USP49: variants seen among roughly 807,000 people sequenced by gnomAD.
USP49 encodes ubiquitin carboxyl-terminal hydrolase 49.
A neutral mutation model predicts 58.6 loss-of-function variants in USP49; 24 were observed. That is an observed-to-expected ratio of 0.41 (90% CI 0.30 to 0.58). The LOEUF (loss-of-function observed/expected upper bound fraction) is 0.58. USP49 is among the 20% of genes least tolerant of loss of function. The pLI is 0.30. For missense variants in USP49, 703 were observed against 866.1 expected, an observed-to-expected ratio of 0.81 and a Z score of 2.36; for synonymous variants, 408 against 365.1, an observed-to-expected ratio of 1.12 and a Z score of -1.34.
At chr6:41,882,295 G>A (rs375847714) in intron 2 of USP49, among the ~76,000 whole-genome samples, 26 of 152,150 alleles carry the variant, frequency 1.7e-4, no homozygotes, top group African/African-American at 5.5e-4. Context: ...AAGAAACTTC[G>A]AGATAAATAC....
intron 2 of USP49, among the ~76,000 whole-genome samples, chr6:41,877,530 A>T (rs1240909840): frequency 1.3e-5 from 2 of 151,742 alleles, no homozygotes; most frequent in Non-Finnish European, 2.9e-5. Flanking sequence ...ATTAATATAT[A>T]CTGCTGGTCT....
At chr6:41,865,422 G>T (rs926491760) in intron 3 of USP49, among the ~76,000 whole-genome samples, 1 of 152,054 alleles carries the variant, frequency 6.6e-6, no homozygotes, top group Non-Finnish European at 1.5e-5. Flanking sequence ...AAAGAACAGC[G>T]GGATAGGCCT....
At chr6:41,853,999 CGAAAAAA>C (rs1483505464) in intron 3 of USP49, among the ~76,000 whole-genome samples, 4 of 58,870 alleles carry the variant, frequency 6.8e-5, no homozygotes, top group African/African-American at 2.6e-4. Context: ...GACTCTGTCT[CGAAAAAA>C]AAAAAAAAAA....
At position 41,794,599 on chromosome 6, in the gene USP49, C is replaced by T. The variant is rs1259930894; in HGVS notation, c.*1934G>A. 2.0e-5 allele frequency: 3 copies of T among 152,016 alleles called. No individual in the cohort carries two copies. Among genetic ancestry groups the T allele is most frequent in the Non-Finnish European group, 2.9e-5 (2 of 68,002 alleles). 9.4% of individuals were successfully genotyped at this position (152,016 alleles called of 1,614,324 possible). A position where few individuals can be genotyped will look rare whatever the true frequency, so the allele number is the denominator to read the frequency against. Reference sequence around the variant, plus strand: ...CACAAAAAGTCATTACTAATCATGCCGACTTAAAAACGTGGATCTTGAGAG... The same window carrying T: ...CACAAAAAGTCATTACTAATCATGCTGACTTAAAAACGTGGATCTTGAGAG... On this transcript the variant is annotated 3_prime_UTR_variant, in exon 8 of 8. Transcript: ENST00000682992.
rs1773113875 is a variant in USP49, at chr6:41,806,017, C to T, written c.967G>A (p.Glu323Lys). 1 of 1,613,966 alleles carries T rather than the reference C, an allele frequency of 6.2e-7. No individual in the cohort carries two copies. The highest frequency in any genetic ancestry group is 8.5e-7 in the Non-Finnish European group (1 of 1,180,026). The change falls in exon 4 of 8, where the codon GAG (glutamate) becomes AAG (lysine). Residue 323 changes from glutamate to lysine, a missense_variant. Physicochemically the swap from Glu to Lys is moderately conservative, Grantham distance 56. Around this residue, in one of 6 missense-constraint regions of USP49, gnomAD observed 97 missense variants for 88.0 expected, o/e 1.10. Transcript: ENST00000682992. This position sits in a 1 kb window ranked among gnomAD's most constrained non-coding sequence, Gnocchi z 5.9. Reference protein sequence around the residue: ...TELSLRNDRAEACEREGFCWN... With the variant: ...TELSLRNDRAKACEREGFCWN... ...CAGAAGCCCTCCCGCTCGCATGCCT[C>T]GGCCCTGTCATTTCTCAAGGACAGC...
intron 2 of USP49, among the ~76,000 whole-genome samples, chr6:41,875,755 T>C (rs1234296258): frequency 6.6e-6 from 1 of 151,962 alleles, no homozygotes; most frequent in African/African-American, 2.4e-5. Flanking sequence ...TGAGACAGAG[T>C]CTCAGACAGC....
chr6:41,804,893 C>T (rs1407327607), intron 4 of USP49, among the ~76,000 whole-genome samples: 2 of 152,204 alleles, frequency 1.3e-5, no homozygotes, highest in Non-Finnish European at 2.9e-5. Context: ...GGATTACAGG[C>T]ATGCGCCACC....
Position 41,803,560 on chromosome 6 carries a change from T to C in USP49, c.1561+246A>G, listed in dbSNP as rs1213109734. ...CTCAAGTGATCTGTCCGCCTTGGCC[T>C]CCCAAAATGCTGGGATTACAGGCGT... On this transcript the variant is annotated intron_variant, in intron 5 of 7. Coordinates refer to ENST00000682992, the MANE Select transcript of USP49 (RefSeq NM_001286554.2). The surrounding 1 kb of genome is among the most constrained non-coding windows in gnomAD (Gnocchi z 4.1). 2.6e-5 allele frequency among the ~76,000 whole-genome samples: 4 copies of C among 152,254 alleles called. No individual in the cohort carries two copies. Among genetic ancestry groups the C allele is most frequent in the Admixed American group, 6.5e-5 (1 of 15,282 alleles).
At chr6:41,810,719 G>A (rs1251144609) in intron 3 of USP49, among the ~76,000 whole-genome samples, 1 of 150,874 alleles carries the variant, frequency 6.6e-6, no homozygotes, top group African/African-American at 2.4e-5. Context: ...GCTAATTTTT[G>A]TATTTTTAGT....
In USP49 at chr6:41,803,804, A is replaced by G; in HGVS notation, c.1561+2T>C. 1 of 1,613,948 alleles carries G rather than the reference A, an allele frequency of 6.2e-7. No individual in the cohort carries two copies. The highest frequency in any genetic ancestry group is 8.5e-7 in the Non-Finnish European group (1 of 1,179,934). Reference sequence around the variant, plus strand: ...ACGCCCCCTCCTCCACACAGCACTCACTGTTACACTGGTCACAAGCGTAGA... The same window carrying G: ...ACGCCCCCTCCTCCACACAGCACTCGCTGTTACACTGGTCACAAGCGTAGA... On this transcript the variant is annotated splice_donor_variant, in intron 5 of 7. Transcript: ENST00000682992. LOFTEE classifies it high-confidence loss of function. The surrounding 1 kb of genome is among the most constrained non-coding windows in gnomAD (Gnocchi z 4.1).
rs1183179624 is a variant in USP49, at chr6:41,795,434, G to T, written c.*1099C>A. Reference sequence around the variant, plus strand: ...CAACAGTAGGGATTATCAGATTTGGGAGGAAACAGGTCAAGGCCATTGGTA... The same window carrying T: ...CAACAGTAGGGATTATCAGATTTGGTAGGAAACAGGTCAAGGCCATTGGTA... On this transcript the variant is annotated 3_prime_UTR_variant, in exon 8 of 8. Transcript: ENST00000682992. 3 of 152,176 alleles carry T rather than the reference G, an allele frequency of 2.0e-5. No individual in the cohort carries two copies. Among genetic ancestry groups the T allele is most frequent in the Admixed American group, 2.0e-4 (3 of 15,270 alleles). 9.4% of individuals were successfully genotyped at this position (152,176 alleles called of 1,614,324 possible).
chr6:41,845,434 C>T lies in USP49; in HGVS notation c.-29+26130G>A, dbSNP rs538853188. Among the ~76,000 whole-genome samples, 11 of 151,932 alleles carry T rather than the reference C, an allele frequency of 7.2e-5. 1 individual carries two copies. The highest frequency in any genetic ancestry group is 2.7e-4 in the African/African-American group (11 of 41,442). On this transcript the variant is annotated intron_variant, in intron 3 of 7. Coordinates refer to ENST00000682992, the MANE Select transcript of USP49 (RefSeq NM_001286554.2). ...ACTCGGGAGGCTGAGGCAGGAGAAT[C>T]GCTTGAACCCAGGAGGCGGAGGTTG...
chr6:41,841,877 C>G (rs1169057809), intron 3 of USP49, among the ~76,000 whole-genome samples: 1 of 152,082 alleles, frequency 6.6e-6, no homozygotes, highest in African/African-American at 2.4e-5. Context: ...GCCAACATGG[C>G]AAAACCCTGT....
intron 2 of USP49, among the ~76,000 whole-genome samples, chr6:41,878,066 A>G (rs533179152): frequency 3.0e-4 from 46 of 152,340 alleles, no homozygotes; most frequent in African/African-American, 1.0e-3. Flanking sequence ...ATGTAACATC[A>G]GCTCTACTTT....
Position 41,798,730 on chromosome 6 carries a change from C to T in USP49, c.1870G>A (p.Glu624Lys). The T allele has an allele frequency of 4.3e-6, 7 of 1,614,170 alleles. No individual in the cohort carries two copies. Among genetic ancestry groups the T allele is most frequent in the Non-Finnish European group, 5.9e-6 (7 of 1,180,036 alleles). ...CAGAGTAAAGCGCACGCACCTCCCTCTGTGTTGTAGCAATAGGCTGTGTAG... is the reference window on the plus strand; with the variant it reads ...CAGAGTAAAGCGCACGCACCTCCCTTTGTGTTGTAGCAATAGGCTGTGTAG... ...GHYTAYCYNT[E>K]GGFWVHCNDS... Residue 624 changes from glutamate to lysine, a missense_variant, in exon 7 of 8, where the codon GAG becomes AAG. Around this residue, in one of 6 missense-constraint regions of USP49, gnomAD observed 158 missense variants for 241.2 expected, o/e 0.66. Transcript: ENST00000682992.
chr6:41,797,732 T>C (rs1772911436), intron 7 of USP49: 1 of 985,770 alleles, frequency 1.0e-6, no homozygotes, highest in African/African-American at 1.7e-5. Flanking sequence ...TGTTTCTGCA[T>C]AACCAAGAAG....
At position 41,794,678 on chromosome 6, in the gene USP49, CAG is replaced by C. The variant is rs1472421889; in HGVS notation, c.*1853_*1854del. ...CATGGACAGCGGTGACACTTTAAAA[CAG>C]TGTCCAGGAGAGGGTGAGCCCAGGC... On this transcript the variant is annotated 3_prime_UTR_variant, in exon 8 of 8. Coordinates refer to ENST00000682992, the MANE Select transcript of USP49 (RefSeq NM_001286554.2). The C allele has an allele frequency of 1.3e-5, 2 of 152,196 alleles. 1 individual carries two copies. 9.4% of individuals were successfully genotyped at this position (152,196 alleles called of 1,614,324 possible).
rs1395747172 is a variant in USP49, at chr6:41,806,005, G to A, written c.979C>T (p.Arg327Trp). The A allele has an allele frequency of 8.7e-6, 14 of 1,613,916 alleles. No homozygotes were observed. Among genetic ancestry groups the A allele is most frequent in the Non-Finnish European group, 1.2e-5 (14 of 1,180,036 alleles). Residue 327 changes from arginine (R) to tryptophan (W), a missense_variant, in exon 4 of 8, where the codon CGG (arginine) becomes TGG (tryptophan). Arg to Trp is a moderately radical substitution (Grantham distance 101). Transcript: ENST00000682992. This position sits in a 1 kb window ranked among gnomAD's most constrained non-coding sequence, Gnocchi z 5.9. ...LRNDRAEACE[R>W]EGFCWNGRAS... ...CTGCCGTTCCAGCAGAAGCCCTCCCGCTCGCATGCCTCGGCCCTGTCATTT... is the reference window on the plus strand; with the variant it reads ...CTGCCGTTCCAGCAGAAGCCCTCCCACTCGCATGCCTCGGCCCTGTCATTT...
intron 3 of USP49, among the ~76,000 whole-genome samples, chr6:41,811,011 C>T (rs556749635): frequency 5.9e-5 from 9 of 152,178 alleles, no homozygotes; most frequent in South Asian, 2.1e-4. Context: ...TTCCAGATGC[C>T]GTTTTTGGCC....
Sources: allele counts gnomAD v4.1 joint callset (sites outside exome capture counted in the v4.1 genomes callset), GRCh38; gene constraint gnomAD v4.1.1; regional missense constraint gnomAD v4.1.1; non-coding constraint Gnocchi (gnomAD v3.1); transcripts MANE v1.5; gene names NCBI Gene and HGNC (gene_info 2026-07-23, HGNC 2026-07-21).